Variants in ZFP69B observed in about 807,000 individuals in gnomAD.
ZFP69B encodes zinc finger protein 69 homolog B.
A neutral mutation model predicts 19.7 loss-of-function variants in ZFP69B; 20 were observed. The observed-to-expected ratio is 1.02, with a 90% CI of 0.71 to 1.48. The LOEUF is 1.48. Among genes scored for constraint, ZFP69B ranks in the 40% most tolerant of loss-of-function variants. ZFP69B has a pLI of 0.00. For synonymous variants in ZFP69B, 220 were observed against 222.7 expected, an observed-to-expected ratio of 0.99 and a Z score of 0.11; for missense variants, 583 against 632.6, an observed-to-expected ratio of 0.92 and a Z score of 0.84.
At chr1:40,456,846 A>C (rs906139018) in intron 2 of ZFP69B, 99 bp from the exon 3 acceptor site, 1 of 1,449,748 alleles carries the variant, frequency 6.9e-7, no homozygotes, top group Non-Finnish European at 9.4e-7. Flanking sequence ...TTAGCAAGAC[A>C]GTATCCAGGA....
chr1:40,456,705 C>T (rs10489435), intron 2 of ZFP69B, among the ~76,000 whole-genome samples: 8,498 of 152,242 alleles, frequency 0.056, 400 homozygotes, highest in East Asian at 0.21. Flanking sequence ...TGTACTGTGA[C>T]CTTCTTTAAT....
intron 4 of ZFP69B, among the ~76,000 whole-genome samples, chr1:40,458,460 C>T (rs1645253955): frequency 6.6e-6 from 1 of 151,710 alleles, no homozygotes. Flanking sequence ...TGTAAGTTAT[C>T]TCAGACAGAA....
intron 4 of ZFP69B, among the ~76,000 whole-genome samples, chr1:40,461,236 A>G (rs1208923392): frequency 1.3e-5 from 2 of 151,920 alleles, no homozygotes; most frequent in Admixed American, 6.6e-5. Flanking sequence ...ATTTAAGACC[A>G]TATATGTACA....
At chr1:40,462,380 G>T in intron 4 of ZFP69B, 41 bp from the exon 5 acceptor site, 1 of 1,526,512 alleles carries the variant, frequency 6.6e-7, no homozygotes, top group Non-Finnish European at 8.8e-7. Flanking sequence ...ATTTTTTAAA[G>T]TGCAAGGAAT....
At position 40,463,391 on chromosome 1, in the gene ZFP69B, T is replaced by C. The variant is rs1252683128; in HGVS notation, c.1407T>C (p.His469=). The C allele has an allele frequency of 1.2e-6, 2 of 1,614,092 alleles. No homozygotes were observed. The highest frequency in any genetic ancestry group is 8.5e-7 in the Non-Finnish European group (1 of 1,179,964). Reference sequence around the variant, plus strand: ...ATCTTTCTATCCATCAGAGAGTCCATACTGGAGTAAAACCTTATGAATGCA... The same window carrying C: ...ATCTTTCTATCCATCAGAGAGTCCACACTGGAGTAAAACCTTATGAATGCA... ...RIHLSIHQRV[H]TGVKPYECSH... is the part of the protein sequence containing the mutation. Residue 469 remains histidine, a synonymous_variant, in exon 5 of 5, where the codon CAT becomes CAC. Coordinates refer to ENST00000361584, the MANE Select transcript of ZFP69B (RefSeq NM_023070.3).
chr1:40,454,649 G>A lies in ZFP69B; in HGVS notation c.213+361G>A, dbSNP rs560024565. ...CCTGACCTGGTGATCCACCCACCTC[G>A]GCCTCCCAAAATGCTGGGATTACAG... On this transcript the variant is annotated intron_variant, in intron 2 of 4. Transcript: ENST00000361584. 9.2e-5 allele frequency among the ~76,000 whole-genome samples: 14 copies of A among 152,150 alleles called. No homozygotes were observed. The East Asian group carries it at 2.5e-3, about 27-fold the overall frequency.
chr1:40,462,337 T>C, intron 4 of ZFP69B, 84 bp from the exon 5 acceptor site: 1 of 1,271,448 alleles, frequency 7.9e-7, no homozygotes. Context: ...CTAGTATATA[T>C]ATTTTGTCCT....
At chr1:40,450,117 T>C (rs1645169233), upstream of ZFP69B, 1 of 152,298 alleles carries the variant, frequency 6.6e-6, no homozygotes, top group Non-Finnish European at 1.5e-5. Context: ...GGCCGCGCAG[T>C]GCCGGAACCC....
intron 2 of ZFP69B, among the ~76,000 whole-genome samples, chr1:40,454,545 C>G (rs1645215771): frequency 6.6e-6 from 1 of 152,074 alleles, no homozygotes; most frequent in Non-Finnish European, 1.5e-5. Context: ...ACTACAGGTG[C>G]CCACCACCAC....
intron 4 of ZFP69B, 48 bp from the exon 5 acceptor site, chr1:40,462,373 T>C: frequency 3.3e-6 from 5 of 1,516,838 alleles, no homozygotes; most frequent in Non-Finnish European, 4.4e-6. Context: ...GCAATTAATT[T>C]TTTAAAGTGC....
In ZFP69B at chr1:40,462,848, C is replaced by T; in HGVS notation, c.864C>T (p.Phe288=). Residue 288 remains phenylalanine (F), a synonymous_variant, in exon 5 of 5, where the codon TTC becomes TTT. Coordinates refer to ENST00000361584, the MANE Select transcript of ZFP69B (RefSeq NM_023070.3). ...TFECNICEKI[F]KQLIHLTEHM... Reference sequence around the variant, plus strand: ...AGTGTAATATTTGTGAAAAAATCTTCAAACAGCTTATTCACCTTACTGAAC... The same window carrying T: ...AGTGTAATATTTGTGAAAAAATCTTTAAACAGCTTATTCACCTTACTGAAC... 1 of 1,614,056 alleles carries T rather than the reference C, an allele frequency of 6.2e-7. No individual in the cohort carries two copies.
At chr1:40,455,427 T>C (rs548980988) in intron 2 of ZFP69B, among the ~76,000 whole-genome samples, 4 of 152,348 alleles carry the variant, frequency 2.6e-5, no homozygotes, top group African/African-American at 9.6e-5. Context: ...TTCAGCTTTC[T>C]CATAGGTTAA....
At chr1:40,453,499 T>C in intron 1 of ZFP69B, among the ~76,000 whole-genome samples, 1 of 152,180 alleles carries the variant, frequency 6.6e-6, no homozygotes, top group East Asian at 1.9e-4. Flanking sequence ...ATAAACTTTC[T>C]TCTCATTAAG....
intron 2 of ZFP69B, 134 bp from the exon 3 acceptor site, chr1:40,456,811 A>G (rs1170817272): frequency 1.9e-5 from 23 of 1,211,678 alleles, no homozygotes; most frequent in Non-Finnish European, 2.7e-5. Flanking sequence ...TATGTAATCT[A>G]TAATCATTAG....
intron 4 of ZFP69B, 123 bp from the exon 5 acceptor site, chr1:40,462,298 C>T (rs1047138247): frequency 1.6e-5 from 14 of 884,128 alleles, no homozygotes; most frequent in Non-Finnish European, 2.3e-5. Flanking sequence ...GGCAGAATCA[C>T]ATTTGAGGAT....
At chr1:40,460,500 TAAAG>T (rs1331340287) in intron 4 of ZFP69B, among the ~76,000 whole-genome samples, 14 of 152,048 alleles carry the variant, frequency 9.2e-5, no homozygotes, top group Non-Finnish European at 5.9e-5. Flanking sequence ...TTTTGTTAAA[TAAAG>T]AATGAGATAA....
In ZFP69B at chr1:40,451,662, G is replaced by C. The variant is rs573453243; in HGVS notation, c.127+574G>C. 1.1e-3 allele frequency among the ~76,000 whole-genome samples: 164 copies of C among 144,042 alleles called. 1 individual carries two copies. The highest frequency in any genetic ancestry group is 1.9e-3 in the Non-Finnish European group (122 of 65,736). 94.5% of individuals were successfully genotyped at this position (144,042 alleles called of 152,430 possible). On this transcript the variant is annotated intron_variant, in intron 1 of 4. Coordinates refer to ENST00000361584, the MANE Select transcript of ZFP69B (RefSeq NM_023070.3). ...AAAATAGAGAAAGACGTGGGGGGGG[G>C]GGAATTCATTTGCAAACATTGGAGG...
At chr1:40,459,134 A>C (rs1478435427) in intron 4 of ZFP69B, among the ~76,000 whole-genome samples, 3 of 152,144 alleles carry the variant, frequency 2.0e-5, no homozygotes, top group African/African-American at 7.2e-5. Flanking sequence ...GGGTGAACAG[A>C]GTTTAGGGAA....
chr1:40,462,701 G>T lies in ZFP69B; in HGVS notation c.717G>T (p.Met239Ile), dbSNP rs1645300591. ...GAATTAATGTGAAGTCAGAAGTTATGCCAGGACCAATAGGTCTTCCAAGAA... is the reference window on the plus strand; with the variant it reads ...GAATTAATGTGAAGTCAGAAGTTATTCCAGGACCAATAGGTCTTCCAAGAA... ...EKRINVKSEV[M>I]PGPIGLPRKR... is the part of the protein sequence containing the mutation. The change falls in exon 5 of 5, where the codon ATG (methionine) becomes ATT (isoleucine). Residue 239 changes from methionine (M) to isoleucine (I), a missense_variant. Met to Ile is a conservative substitution (Grantham distance 10). Coordinates refer to ENST00000361584, the MANE Select transcript of ZFP69B (RefSeq NM_023070.3). 1 of 1,614,002 alleles carries T rather than the reference G, an allele frequency of 6.2e-7. No individual in the cohort carries two copies. Among genetic ancestry groups the T allele is most frequent in the Non-Finnish European group, 8.5e-7 (1 of 1,180,032 alleles).
Sources: gnomAD v4.1 joint callset for allele counts (sites outside exome capture counted in the v4.1 genomes callset) on GRCh38, gnomAD v4.1.1 for gene constraint, MANE v1.5 for transcripts, NCBI Gene and HGNC (gene_info 2026-07-23, HGNC 2026-07-21) for gene names.